ZMYND8: variants seen among roughly 807,000 people sequenced by gnomAD.
The protein encoded by ZMYND8 is MYND-type zinc finger-containing chromatin reader ZMYND8.
In ZMYND8, 37 loss-of-function variants were observed where a neutral mutation model predicts 140.8. The observed-to-expected ratio is 0.26, with a 90% CI of 0.20 to 0.35. The LOEUF (loss-of-function observed/expected upper bound fraction) is 0.35. Among genes scored for constraint, ZMYND8 ranks in the 10% least tolerant of loss-of-function variants. ZMYND8 has a pLI of 1.00. For missense variants in ZMYND8, 1,068 were observed against 1,570.0 expected (o/e 0.68, Z 5.40); for synonymous variants, 592 against 597.1 (o/e 0.99, Z 0.12).
chr20:47,314,421 G>A (rs569116420), intron 2 of ZMYND8, among the ~76,000 whole-genome samples: 14 of 151,642 alleles, frequency 9.2e-5, no homozygotes, highest in Non-Finnish European at 1.5e-4. Flanking sequence ...ATCACTTGGC[G>A]CCAGGAGGCA....
chr20:47,311,732 T>C (rs2078948313), intron 2 of ZMYND8, among the ~76,000 whole-genome samples: 1 of 152,098 alleles, frequency 6.6e-6, no homozygotes, highest in Admixed American at 6.6e-5. Context: ...TAGCTGGGTG[T>C]GGTGGCACAC....
Position 47,276,812 on chromosome 20 carries a change from T to C in ZMYND8, c.999-17A>G, listed in dbSNP as rs1023992136. On this transcript the variant is annotated splice_polypyrimidine_tract_variant and intron_variant, in intron 10 of 22. Coordinates refer to ENST00000471951, the MANE Select transcript of ZMYND8 (RefSeq NM_001281775.3). The stretch of plus-strand genomic sequence containing the variant: ...ACCCAGGCCCTAGAAGGGCAAAAGA[T>C]AAAGAGAGTTTAAGTCAACTTCAGT... The C allele has an allele frequency of 1.3e-6, 2 of 1,565,722 alleles. No homozygotes were observed. The highest frequency in any genetic ancestry group is 2.3e-5 in the East Asian group (1 of 44,354).
intron 3 of ZMYND8, among the ~76,000 whole-genome samples, chr20:47,304,754 C>A (rs1186482680): frequency 2.0e-5 from 3 of 152,182 alleles, no homozygotes; most frequent in Non-Finnish European, 4.4e-5. Flanking sequence ...TGGCATTCAA[C>A]CTCGCAGTGG....
intron 4 of ZMYND8, among the ~76,000 whole-genome samples, chr20:47,295,275 C>T (rs2077568066): frequency 6.6e-6 from 1 of 152,182 alleles, no homozygotes; most frequent in South Asian, 2.1e-4. Context: ...CATCCGTAGT[C>T]CCAGCTACTT....
chr20:47,348,075 C>T, intron 1 of ZMYND8, 149 bp from the exon 2 acceptor site: 1 of 754,278 alleles, frequency 1.3e-6, no homozygotes, highest in Non-Finnish European at 2.3e-6. Context: ...CACCTGATTT[C>T]AACAAAGTGT....
At chr20:47,314,818 G>A (rs2079246169) in intron 2 of ZMYND8, among the ~76,000 whole-genome samples, 1 of 152,200 alleles carries the variant, frequency 6.6e-6, no homozygotes, top group South Asian at 2.1e-4. Context: ...AGGCTAAACA[G>A]GAAACAACCC....
intron 2 of ZMYND8, among the ~76,000 whole-genome samples, chr20:47,332,183 C>A (rs554998314): frequency 2.0e-5 from 3 of 152,118 alleles, no homozygotes; most frequent in Non-Finnish European, 2.9e-5. Flanking sequence ...TGGTGACGTG[C>A]GCCTATAATC....
At chr20:47,226,721 A>C (rs1336894913) in intron 18 of ZMYND8, among the ~76,000 whole-genome samples, 1 of 152,184 alleles carries the variant, frequency 6.6e-6, no homozygotes, top group Non-Finnish European at 1.5e-5. Flanking sequence ...GTGTAATGAA[A>C]TTAGTTAAGT....
At chr20:47,258,181 C>A (rs113825543) in intron 12 of ZMYND8, among the ~76,000 whole-genome samples, 1 of 152,184 alleles carries the variant, frequency 6.6e-6, no homozygotes, top group South Asian at 2.1e-4. Context: ...CACCTTACCC[C>A]CTGACCCCCA....
At chr20:47,232,231 G>A (rs2038594534) in intron 16 of ZMYND8, among the ~76,000 whole-genome samples, 1 of 152,148 alleles carries the variant, frequency 6.6e-6, no homozygotes, top group Admixed American at 6.5e-5. Flanking sequence ...AATTAGCCAG[G>A]TGTGGTGGTC....
chr20:47,310,039 C>T lies in ZMYND8; in HGVS notation c.234+17G>A. ...CTGTCCCACCAGTGAGGACACCGTT[C>T]CCAGCGGCTGCTTTACCTGCTCCTT... On this transcript the variant is annotated intron_variant, in intron 3 of 22. Transcript: ENST00000471951. 1.2e-6 allele frequency: 2 copies of T among 1,614,106 alleles called. No homozygotes were observed. The highest frequency in any genetic ancestry group is 1.7e-6 in the Non-Finnish European group (2 of 1,179,996).
At chr20:47,275,120 A>G (rs1055229112) in intron 11 of ZMYND8, among the ~76,000 whole-genome samples, 11 of 152,352 alleles carry the variant, frequency 7.2e-5, no homozygotes, top group Admixed American at 3.3e-4. Context: ...ATCTTCCAAG[A>G]CATCTTAAAC....
At chr20:47,282,906 G>C (rs2076699738) in intron 9 of ZMYND8, among the ~76,000 whole-genome samples, 1 of 152,024 alleles carries the variant, frequency 6.6e-6, no homozygotes, top group Non-Finnish European at 1.5e-5. Flanking sequence ...TCTAATAAGG[G>C]GCAGTATTTT....
At chr20:47,243,606 T>C (rs1216006094) in intron 14 of ZMYND8, among the ~76,000 whole-genome samples, 1 of 152,236 alleles carries the variant, frequency 6.6e-6, no homozygotes. Flanking sequence ...CAGATTTCTG[T>C]ATAAAACCTT....
chr20:47,341,172 T>C (rs573141552), intron 2 of ZMYND8, among the ~76,000 whole-genome samples: 3 of 152,326 alleles, frequency 2.0e-5, no homozygotes, highest in African/African-American at 7.2e-5. Context: ...TTAGCTGATA[T>C]AGACACAGAT....
At chr20:47,228,892 G>T (rs987678342) in intron 17 of ZMYND8, among the ~76,000 whole-genome samples, 1 of 152,142 alleles carries the variant, frequency 6.6e-6, no homozygotes, top group Non-Finnish European at 1.5e-5. Context: ...ACAGACAGCC[G>T]GCAAGTGGCC....
intron 2 of ZMYND8, among the ~76,000 whole-genome samples, chr20:47,343,342 A>G (rs753185511): frequency 1.3e-5 from 2 of 152,218 alleles, no homozygotes; most frequent in Non-Finnish European, 2.9e-5. Flanking sequence ...ACAAGAGCCA[A>G]CACAAAGAGC....
intron 10 of ZMYND8, among the ~76,000 whole-genome samples, chr20:47,278,902 T>C (rs2076423146): frequency 6.6e-6 from 1 of 152,030 alleles, no homozygotes; most frequent in South Asian, 2.1e-4. Context: ...TCTCCAGTGC[T>C]GTCCTAGGGC....
At chr20:47,322,349 T>C (rs372530451) in intron 2 of ZMYND8, among the ~76,000 whole-genome samples, 77 of 152,230 alleles carry the variant, frequency 5.1e-4, no homozygotes, top group African/African-American at 1.8e-3. Context: ...TCTATTTCCT[T>C]TGCAGAAGGG....
Sources: allele counts gnomAD v4.1 joint callset (sites outside exome capture counted in the v4.1 genomes callset), GRCh38; gene constraint gnomAD v4.1.1; transcripts MANE v1.5; gene names NCBI Gene and HGNC (gene_info 2026-07-23, HGNC 2026-07-21).